The following PRKCZ variants were observed in gnomAD, a reference collection of about 807,000 sequenced individuals.
PRKCZ encodes protein kinase C zeta type.
Under a neutral mutation model 79.5 loss-of-function variants are expected in PRKCZ, and 33 were observed. That is an observed-to-expected ratio of 0.41 (90% CI 0.31 to 0.55). The LOEUF is 0.55. PRKCZ is among the 20% of genes least tolerant of loss of function. The pLI is 0.19. For synonymous variants in PRKCZ, 342 were observed against 320.9 expected (o/e 1.07, Z -0.70); for missense variants, 578 against 813.5 (o/e 0.71, Z 3.52).
Position 2,172,494 on chromosome 1 carries a change from A to C in PRKCZ, c.1285+106A>C. On this transcript the variant is annotated intron_variant, in intron 13 of 17. Coordinates refer to ENST00000378567, the MANE Select transcript of PRKCZ (RefSeq NM_002744.6). The surrounding 1 kb of genome is among the most constrained non-coding windows in gnomAD (Gnocchi z 7.8). Reference sequence around the variant, plus strand: ...GTGTCCTTGACCATCTTACACCCAAAAGCCACACACTGTCTTTCCCAGCCG... The same window carrying C: ...GTGTCCTTGACCATCTTACACCCAACAGCCACACACTGTCTTTCCCAGCCG... 8.3e-7 allele frequency: 1 copy of C among 1,209,674 alleles called. No homozygotes were observed. Among genetic ancestry groups the C allele is most frequent in the Non-Finnish European group, 1.1e-6 (1 of 879,626 alleles). The allele number at this position is 1,209,674 out of a possible 1,614,324, so 74.9% of individuals were successfully genotyped here. A position where few individuals can be genotyped will look rare whatever the true frequency, so the allele number is the denominator to read the frequency against.
chr1:2,078,710 T>C (rs552069018), intron 4 of PRKCZ, among the ~76,000 whole-genome samples: 5 of 152,186 alleles, frequency 3.3e-5, no homozygotes, highest in Non-Finnish European at 5.9e-5. Flanking sequence ...TTTTCTTCTC[T>C]ATTTTCCATT....
intron 4 of PRKCZ, 107 bp downstream of exon 4, chr1:2,059,698 G>C (rs2292859): frequency 6.9e-7 from 1 of 1,442,908 alleles, no homozygotes; most frequent in Admixed American, 1.8e-5. Context: ...GTTCACCCTC[G>C]TGGAGCGTCA....
chr1:2,052,378 C>T (rs1032425841), intron 1 of PRKCZ, among the ~76,000 whole-genome samples: 3 of 151,422 alleles, frequency 2.0e-5, no homozygotes, highest in African/African-American at 4.9e-5. Context: ...GGCTCCCACC[C>T]CTTCCTCTTC....
chr1:2,153,442 G>A (rs972731723), intron 9 of PRKCZ, among the ~76,000 whole-genome samples: 2 of 152,206 alleles, frequency 1.3e-5, no homozygotes, highest in South Asian at 4.1e-4. Context: ...GGGCTGGGAG[G>A]GCAGAGCTGG....
chr1:2,155,899 C>G (rs915953181), intron 9 of PRKCZ, 96 bp from the exon 10 acceptor site: 1 of 1,027,812 alleles, frequency 9.7e-7, no homozygotes, highest in Non-Finnish European at 1.5e-6. Flanking sequence ...TTCCTGAAAG[C>G]GGAGGAAAGA....
At position 2,066,985 on chromosome 1, in the gene PRKCZ, C is replaced by T. The variant is rs569693008; in HGVS notation, c.334+7394C>T. ...GATATGTTGTGTTTCTGTTTTCATT[C>T]ATCTCTCAGCATTTTTCTGATTTTC... On this transcript the variant is annotated intron_variant, in intron 4 of 17. Transcript: ENST00000378567. Among the ~76,000 whole-genome samples, 17 of 152,348 alleles carry T rather than the reference C, an allele frequency of 1.1e-4. No homozygotes were observed. The East Asian group carries it at 2.5e-3, about 22-fold the overall frequency.
chr1:2,180,462 G>A (rs900177086), intron 16 of PRKCZ, among the ~76,000 whole-genome samples: 1 of 151,200 alleles, frequency 6.6e-6, no homozygotes, highest in African/African-American at 2.4e-5. Context: ...TCAGATGCAC[G>A]GACACCCAGA....
At chr1:2,167,644 C>A (rs182788976) in intron 10 of PRKCZ, among the ~76,000 whole-genome samples, 184 of 152,240 alleles carry the variant, frequency 1.2e-3, no homozygotes, top group African/African-American at 4.2e-3. Flanking sequence ...TGCTCTGTCG[C>A]CCAGGCTGGA....
intron 4 of PRKCZ, among the ~76,000 whole-genome samples, chr1:2,100,452 C>G (rs1667247040): frequency 6.6e-6 from 1 of 152,218 alleles, no homozygotes; most frequent in Non-Finnish European, 1.5e-5. Context: ...CAAGGTCCTA[C>G]CTTTGTATCT....
intron 7 of PRKCZ, among the ~76,000 whole-genome samples, chr1:2,148,618 T>C (rs1299447435): frequency 6.6e-6 from 1 of 152,176 alleles, no homozygotes; most frequent in Non-Finnish European, 1.5e-5. Flanking sequence ...GGTGACGAAT[T>C]ATTTGCAGAT....
chr1:2,112,501 A>G (rs958798664), intron 4 of PRKCZ, among the ~76,000 whole-genome samples: 2 of 152,214 alleles, frequency 1.3e-5, no homozygotes, highest in African/African-American at 4.8e-5. Context: ...GCCCATGCTG[A>G]GGTCCCGGCA....
intron 9 of PRKCZ, among the ~76,000 whole-genome samples, chr1:2,151,609 C>T (rs977978929): frequency 2.0e-5 from 3 of 152,228 alleles, no homozygotes; most frequent in African/African-American, 7.2e-5. Flanking sequence ...GATCTTCCCA[C>T]ACCAGCTGTT....
intron 4 of PRKCZ, among the ~76,000 whole-genome samples, chr1:2,083,903 C>T (rs979181366): frequency 4.6e-5 from 7 of 152,210 alleles, no homozygotes; most frequent in Non-Finnish European, 8.8e-5. Flanking sequence ...CTCTTTTGCG[C>T]TCGAATAGGT....
In PRKCZ at chr1:2,172,005, C is replaced by T. The variant is rs200979221; in HGVS notation, c.1062-50C>T. On this transcript the variant is annotated intron_variant, in intron 11 of 17. Transcript: ENST00000378567. The surrounding 1 kb of genome is among the most constrained non-coding windows in gnomAD (Gnocchi z 7.8). ...GTGGCCCCCAGGCTGGAGCTGTTGG[C>T]GCAGCCTCTGGCACAGGCACTGCCC... 38 of 1,540,394 alleles carry T rather than the reference C, an allele frequency of 2.5e-5. No homozygotes were observed. The East Asian group carries it at 3.6e-4, about 15-fold the overall frequency.
At chr1:2,050,190 G>C (rs529535586), upstream of PRKCZ, 2 of 152,172 alleles carry the variant, frequency 1.3e-5, no homozygotes, top group African/African-American at 4.8e-5. Flanking sequence ...GCCGCGCCGC[G>C]CGCGGTCCCA....
chr1:2,050,702 G>T lies in PRKCZ; in HGVS notation c.71+1G>T. 8.2e-7 allele frequency: 1 copy of T among 1,224,028 alleles called. No individual in the cohort carries two copies. The highest frequency in any genetic ancestry group is 1.0e-6 in the Non-Finnish European group (1 of 981,754). 75.8% of individuals were successfully genotyped at this position (1,224,028 alleles called of 1,614,324 possible). ...TCCGCCTCAAGGCGCATTACGGGGG[G>T]TGAGCGGCGGAGAGGGCGGGGAGCG... On this transcript the variant is annotated splice_donor_variant, in intron 1 of 17. Coordinates refer to ENST00000378567, the MANE Select transcript of PRKCZ (RefSeq NM_002744.6). LOFTEE classifies it high-confidence loss of function.
intron 11 of PRKCZ, among the ~76,000 whole-genome samples, chr1:2,171,082 G>GTTTTGATTA (rs1684330922): frequency 1.3e-5 from 2 of 152,162 alleles, no homozygotes; most frequent in Non-Finnish European, 2.9e-5. Flanking sequence ...TGTAATCCCA[G>GTTTTGATTA]CACTTTGAGA....
chr1:2,081,127 A>C (rs981023082), intron 4 of PRKCZ, among the ~76,000 whole-genome samples: 1 of 152,182 alleles, frequency 6.6e-6, no homozygotes, highest in South Asian at 2.1e-4. Flanking sequence ...CTAAGAGGTG[A>C]GGAGCTACAT....
intron 4 of PRKCZ, among the ~76,000 whole-genome samples, chr1:2,115,407 C>T (rs559896894): frequency 7.9e-5 from 12 of 152,362 alleles, no homozygotes; most frequent in East Asian, 1.9e-4. Context: ...ACGTTTCCCT[C>T]GCGTGGCCGC....
Sources: gnomAD v4.1 joint callset for allele counts (sites outside exome capture counted in the v4.1 genomes callset) on GRCh38, gnomAD v4.1.1 for gene constraint, Gnocchi (gnomAD v3.1) non-coding constraint, MANE v1.5 for transcripts, NCBI Gene and HGNC (gene_info 2026-07-23, HGNC 2026-07-21) for gene names.